Variants in DCAF17 observed in about 807,000 individuals in gnomAD.
DCAF17 encodes the protein DDB1- and CUL4-associated factor 17.
Under a neutral mutation model 66.0 loss-of-function variants are expected in DCAF17, and 48 were observed. That is an observed-to-expected ratio of 0.73 (90% CI 0.58 to 0.92). The LOEUF is 0.92. Ranked by LOEUF, DCAF17 falls within the 40% of genes least tolerant of loss-of-function variation. DCAF17 has a pLI of 0.00. For missense variants in DCAF17, 562 were observed against 622.8 expected (o/e 0.90, Z 1.04); for synonymous variants, 206 against 214.6 (o/e 0.96, Z 0.35).
intron 2 of DCAF17, 177 bp from the exon 3 acceptor site, chr2:171,443,346 T>C (rs1694423539): frequency 5.7e-6 from 3 of 529,706 alleles, no homozygotes; most frequent in Non-Finnish European, 9.6e-6. Flanking sequence ...ATTTTAATCT[T>C]GTTTTTTTTT....
intron 2 of DCAF17, among the ~76,000 whole-genome samples, chr2:171,437,289 CA>C (rs1407691143): frequency 6.6e-6 from 1 of 152,122 alleles, no homozygotes; most frequent in Non-Finnish European, 1.5e-5. Context: ...TATCCAACTC[CA>C]TTTTTTTTAA....
At chr2:171,461,168 G>A (rs893985050) in intron 8 of DCAF17, among the ~76,000 whole-genome samples, 1 of 152,182 alleles carries the variant, frequency 6.6e-6, no homozygotes, top group African/African-American at 2.4e-5. Context: ...AAATTGGCCA[G>A]GCGTGGTGCC....
In DCAF17 at chr2:171,459,180, T is replaced by C. The variant is rs1458158000; in HGVS notation, c.838+703T>C. Among the ~76,000 whole-genome samples, 3 of 152,192 alleles carry C rather than the reference T, an allele frequency of 2.0e-5. No homozygotes were observed. The East Asian group carries it at 5.8e-4, about 29-fold the overall frequency. ...CAAATTAGCCAGGCGTGGTGGCACA[T>C]GCCTGTAATCCCACCTACTCGCAAG... On this transcript the variant is annotated intron_variant, in intron 8 of 13. Coordinates refer to ENST00000375255, the MANE Select transcript of DCAF17 (RefSeq NM_025000.4).
chr2:171,480,984 A>T lies in DCAF17; in HGVS notation c.1433A>T (p.His478Leu), dbSNP rs1279189246. ...LVESWDVTYSHEVYFDRDLVL... is the reference protein window; with the variant it reads ...LVESWDVTYSLEVYFDRDLVL... ...TGTGTTTTGTTACAGACATATAGCC[A>T]TGAAGTCTACTTTGACAGAGACTTG... The change falls in exon 14 of 14, where the codon CAT becomes CTT. Residue 478 changes from histidine (H) to leucine (L), a missense_variant. Physicochemically the swap from His to Leu is moderately conservative, Grantham distance 99. Transcript: ENST00000375255. 1 of 1,613,690 alleles carries T rather than the reference A, an allele frequency of 6.2e-7. No individual in the cohort carries two copies. Among genetic ancestry groups the T allele is most frequent in the Non-Finnish European group, 8.5e-7 (1 of 1,179,698 alleles).
chr2:171,448,399 A>T (rs574671781), intron 3 of DCAF17, among the ~76,000 whole-genome samples: 1 of 151,820 alleles, frequency 6.6e-6, no homozygotes, highest in South Asian at 2.1e-4. Flanking sequence ...TGTTATTATG[A>T]CTAACATTTG....
chr2:171,442,606 G>A (rs1285489833), intron 2 of DCAF17, among the ~76,000 whole-genome samples: 3 of 150,032 alleles, frequency 2.0e-5, no homozygotes, highest in East Asian at 2.0e-4. Context: ...AGCGCCAGGC[G>A]AAGTGGCTCA....
intron 8 of DCAF17, among the ~76,000 whole-genome samples, chr2:171,463,087 C>G (rs1695681345): frequency 6.6e-6 from 1 of 151,838 alleles, no homozygotes; most frequent in East Asian, 1.9e-4. Context: ...AAAAATTAGT[C>G]AGGTGTGGTG....
rs184680866 is a variant in DCAF17, at chr2:171,455,637, A to G, written c.628-2334A>G. Reference sequence around the variant, plus strand: ...TAATTTCCATTGACACAAACAGTGTATAAGTGTTTCCTTTTCTCCACAACC... The same window carrying G: ...TAATTTCCATTGACACAAACAGTGTGTAAGTGTTTCCTTTTCTCCACAACC... On this transcript the variant is annotated intron_variant, in intron 6 of 13. Transcript: ENST00000375255. Among the ~76,000 whole-genome samples, 7 of 152,332 alleles carry G rather than the reference A, an allele frequency of 4.6e-5. No individual in the cohort carries two copies. In the East Asian group the frequency reaches 1.2e-3, roughly 25 times the overall value.
chr2:171,455,589 A>C (rs999873104), intron 6 of DCAF17, among the ~76,000 whole-genome samples: 2 of 152,228 alleles, frequency 1.3e-5, no homozygotes, highest in African/African-American at 4.8e-5. Context: ...GAACCACCAC[A>C]CTGTCTTCCA....
intron 8 of DCAF17, among the ~76,000 whole-genome samples, chr2:171,461,122 C>A (rs868526596): frequency 2.4e-4 from 36 of 152,068 alleles, no homozygotes; most frequent in African/African-American, 8.7e-4. Flanking sequence ...TTTCTTAGTG[C>A]AAAAGCAGTT....
intron 6 of DCAF17, 83 bp from the exon 7 acceptor site, chr2:171,457,888 G>A (rs1481495207): frequency 3.6e-5 from 38 of 1,056,876 alleles, no homozygotes; most frequent in Non-Finnish European, 4.6e-5. Flanking sequence ...TGAATATTAA[G>A]CAAGAGTACA....
At chr2:171,460,187 G>A (rs1695496386) in intron 8 of DCAF17, among the ~76,000 whole-genome samples, 1 of 152,012 alleles carries the variant, frequency 6.6e-6, no homozygotes, top group African/African-American at 2.4e-5. Flanking sequence ...GCTAGGCACG[G>A]TGGCAGGCAC....
intron 3 of DCAF17, among the ~76,000 whole-genome samples, chr2:171,446,177 T>A (rs1409136376): frequency 6.6e-6 from 1 of 152,212 alleles, no homozygotes. Flanking sequence ...CTTTTAAATA[T>A]GGAGAGGTTT....
intron 6 of DCAF17, 57 bp downstream of exon 6, chr2:171,453,270 C>T (rs924087179): frequency 3.0e-5 from 38 of 1,255,372 alleles, no homozygotes; most frequent in Non-Finnish European, 4.1e-5. Context: ...GTTGTAATGT[C>T]ATTATTTAAT....
chr2:171,479,919 T>G, intron 12 of DCAF17, 119 bp from the exon 13 acceptor site: 1 of 1,111,908 alleles, frequency 9.0e-7, no homozygotes, highest in South Asian at 1.4e-5. Flanking sequence ...TCCCATTCAT[T>G]CATTCTTCTC....
In DCAF17 at chr2:171,434,292, G is replaced by A; in HGVS notation, c.-286G>A. The A allele has an allele frequency of 1.7e-6, 1 of 588,578 alleles. No individual in the cohort carries two copies. Among genetic ancestry groups the A allele is most frequent in the Non-Finnish European group, 3.2e-6 (1 of 316,542 alleles). The allele number at this position is 588,578 out of a possible 1,614,324, so 36.5% of individuals were successfully genotyped here. A position where few individuals can be genotyped will look rare whatever the true frequency, so the allele number is the denominator to read the frequency against. Reference sequence around the variant, plus strand: ...CCCGGTGAGAGAGCGGCTCCGGCCGGCCGCGCGGTACCGGAGCGTCGCACT... The same window carrying A: ...CCCGGTGAGAGAGCGGCTCCGGCCGACCGCGCGGTACCGGAGCGTCGCACT... On this transcript the variant is annotated 5_prime_UTR_variant, in exon 1 of 14. Transcript: ENST00000375255.
In DCAF17 at chr2:171,484,380, G is replaced by A. The variant is rs1696867705; in HGVS notation, c.*3266G>A. The A allele has an allele frequency of 7.7e-6, 3 of 388,890 alleles. No homozygotes were observed. Among genetic ancestry groups the A allele is most frequent in the South Asian group, 3.9e-5 (2 of 51,558 alleles). The allele number at this position is 388,890 out of a possible 1,614,324, so 24.1% of individuals were successfully genotyped here. A position where few individuals can be genotyped will look rare whatever the true frequency, so the allele number is the denominator to read the frequency against. ...TTCCCATCATTTTATTATGAAAAAT[G>A]TTCAAACATACAGTAAAATTGAAAG... On this transcript the variant is annotated 3_prime_UTR_variant, in exon 14 of 14. Coordinates refer to ENST00000375255, the MANE Select transcript of DCAF17 (RefSeq NM_025000.4).
chr2:171,477,844 G>C (rs1696567958), intron 11 of DCAF17, 143 bp from the exon 12 acceptor site: 2 of 717,632 alleles, frequency 2.8e-6, no homozygotes, highest in Non-Finnish European at 5.0e-6. Flanking sequence ...TCAGAAATCT[G>C]ATTCAGAATT....
chr2:171,455,378 T>C (rs955969331), intron 6 of DCAF17, among the ~76,000 whole-genome samples: 3 of 152,244 alleles, frequency 2.0e-5, no homozygotes, highest in East Asian at 3.8e-4. Context: ...GGTGTATATG[T>C]ACAACATTTT....
Sources: allele counts gnomAD v4.1 joint callset (sites outside exome capture counted in the v4.1 genomes callset), GRCh38; gene constraint gnomAD v4.1.1; transcripts MANE v1.5; gene names NCBI Gene and HGNC (gene_info 2026-07-23, HGNC 2026-07-21).